The following DLG2 variants were observed in gnomAD, a reference collection of about 807,000 sequenced individuals.
The protein encoded by DLG2 is discs large MAGUK scaffold protein 2.
DLG2 carries 45 observed loss-of-function variants against 132.5 expected under a neutral mutation model. That is an observed-to-expected ratio of 0.34 (90% CI 0.27 to 0.44). DLG2 has a LOEUF of 0.44. DLG2 is among the 20% of genes least tolerant of loss of function. The pLI is 1.00. For synonymous variants in DLG2, 424 were observed against 419.6 expected (o/e 1.01, Z -0.13); for missense variants, 1,045 against 1,196.9 (o/e 0.87, Z 1.87).
At chr11:84,850,853 G>T (rs78577335) in intron 6 of DLG2, among the ~76,000 whole-genome samples, 6,823 of 152,052 alleles carry the variant, frequency 0.045, 314 homozygotes, top group East Asian at 0.25. Context: ...TAAAAGACTT[G>T]TATACCAAAA....
At chr11:84,832,198 T>C (rs1794217110) in intron 6 of DLG2, among the ~76,000 whole-genome samples, 1 of 151,562 alleles carries the variant, frequency 6.6e-6, no homozygotes, top group Non-Finnish European at 1.5e-5. Flanking sequence ...CAAAGACAAC[T>C]CAGAGGAAGA....
chr11:83,461,334 C>T (rs1484036936), intron 27 of DLG2, among the ~76,000 whole-genome samples: 1 of 151,982 alleles, frequency 6.6e-6, no homozygotes, highest in African/African-American at 2.4e-5. Context: ...CTCCGGGAAC[C>T]AGGTGTAAGG....
intron 6 of DLG2, chr11:85,021,129 C>G: frequency 1.2e-6 from 1 of 807,224 alleles, no homozygotes; most frequent in East Asian, 2.4e-5. Flanking sequence ...CTGCTTTCAA[C>G]TTTCCAGACT....
At chr11:85,035,277 C>G (rs1197425276) in intron 6 of DLG2, among the ~76,000 whole-genome samples, 1 of 152,136 alleles carries the variant, frequency 6.6e-6, no homozygotes, top group African/African-American at 2.4e-5. Flanking sequence ...AACACTCACC[C>G]CTTGAAATAG....
chr11:84,523,058 C>A (rs1007708832), intron 7 of DLG2, among the ~76,000 whole-genome samples: 1 of 152,134 alleles, frequency 6.6e-6, no homozygotes, highest in African/African-American at 2.4e-5. Context: ...TAGGAATGTT[C>A]TACAGTGTAA....
intron 19 of DLG2, among the ~76,000 whole-genome samples, chr11:83,592,576 G>A (rs1018227352): frequency 6.6e-6 from 1 of 152,136 alleles, no homozygotes; most frequent in African/African-American, 2.4e-5. Context: ...TCAGGACATA[G>A]GCATGGGCAA....
At chr11:83,971,527 A>G (rs1443216247) in intron 12 of DLG2, among the ~76,000 whole-genome samples, 1 of 152,176 alleles carries the variant, frequency 6.6e-6, no homozygotes, top group Non-Finnish European at 1.5e-5. Context: ...AGAATATAAT[A>G]AAGAGGAATG....
intron 8 of DLG2, among the ~76,000 whole-genome samples, chr11:84,188,756 T>C (rs2096337929): frequency 6.6e-6 from 1 of 152,116 alleles, no homozygotes; most frequent in African/African-American, 2.4e-5. Context: ...CTTATTCTTT[T>C]GCCAGATTAT....
intron 3 of DLG2, among the ~76,000 whole-genome samples, chr11:85,501,779 G>C (rs1327666123): frequency 6.6e-6 from 1 of 152,120 alleles, no homozygotes; most frequent in Admixed American, 6.6e-5. Flanking sequence ...ACAGATGCTG[G>C]AGAGGTTGTG....
chr11:84,513,212 T>C (rs1288579348), intron 7 of DLG2, among the ~76,000 whole-genome samples: 2 of 152,050 alleles, frequency 1.3e-5, no homozygotes, highest in East Asian at 1.9e-4. Context: ...AAATATTCCA[T>C]GTGTATGGAT....
At chr11:84,985,054 A>T (rs1265551873) in intron 6 of DLG2, among the ~76,000 whole-genome samples, 1 of 152,194 alleles carries the variant, frequency 6.6e-6, no homozygotes, top group African/African-American at 2.4e-5. Context: ...TTACTACTAC[A>T]CCACTAGACA....
intron 16 of DLG2, among the ~76,000 whole-genome samples, chr11:83,837,556 C>A (rs1379693893): frequency 6.6e-6 from 1 of 151,752 alleles, no homozygotes; most frequent in Non-Finnish European, 1.5e-5. Flanking sequence ...TGGTGTTTGG[C>A]TAGAGTAGGT....
At chr11:84,748,907 C>T (rs1055546048) in intron 6 of DLG2, among the ~76,000 whole-genome samples, 2 of 152,138 alleles carry the variant, frequency 1.3e-5, no homozygotes, top group African/African-American at 4.8e-5. Flanking sequence ...TTATGGCTCA[C>T]GCCTATAATC....
chr11:84,451,086 A>G (rs2099050296), intron 7 of DLG2, among the ~76,000 whole-genome samples: 1 of 151,628 alleles, frequency 6.6e-6, no homozygotes, highest in Non-Finnish European at 1.5e-5. Context: ...ATAGGCTGAG[A>G]AAAAAAAGTC....
At chr11:84,452,028 A>G (rs1336585236) in intron 7 of DLG2, among the ~76,000 whole-genome samples, 1 of 151,746 alleles carries the variant, frequency 6.6e-6, no homozygotes, top group Non-Finnish European at 1.5e-5. Flanking sequence ...ATAGAGGTAT[A>G]TTCATGTGAA....
intron 21 of DLG2, among the ~76,000 whole-genome samples, chr11:83,522,681 G>C (rs933292126): frequency 6.6e-4 from 101 of 151,978 alleles, no homozygotes; most frequent in African/African-American, 2.3e-3. Context: ...GGCCTTCAAG[G>C]AACTTGCTAT....
At chr11:85,035,251 T>C (rs2061348722) in intron 6 of DLG2, among the ~76,000 whole-genome samples, 1 of 152,188 alleles carries the variant, frequency 6.6e-6, no homozygotes, top group South Asian at 2.1e-4. Flanking sequence ...AGATAGAAGA[T>C]GGAAATGGGA....
intron 6 of DLG2, among the ~76,000 whole-genome samples, chr11:84,831,644 A>C (rs2079068085): frequency 6.6e-6 from 1 of 151,666 alleles, no homozygotes; most frequent in African/African-American, 2.4e-5. Context: ...CTGATGGTTT[A>C]CTGTTCTACT....
intron 7 of DLG2, among the ~76,000 whole-genome samples, chr11:84,427,209 T>G (rs1045187346): frequency 6.6e-6 from 1 of 150,890 alleles, no homozygotes; most frequent in Non-Finnish European, 1.5e-5. Context: ...TTTAAATGAA[T>G]GGTAGGAAGA....
Sources: gnomAD v4.1 joint callset for allele counts (sites outside exome capture counted in the v4.1 genomes callset) on GRCh38, gnomAD v4.1.1 for gene constraint, MANE v1.5 for transcripts, NCBI Gene and HGNC (gene_info 2026-07-23, HGNC 2026-07-21) for gene names.